The following GSKIP variants were observed in gnomAD, a reference collection of about 807,000 sequenced individuals.
GSKIP encodes the protein GSK3B-interacting protein.
Under a neutral mutation model 11.9 loss-of-function variants are expected in GSKIP, and 5 were observed. That is an observed-to-expected ratio of 0.42 (90% confidence interval 0.22 to 0.89). The LOEUF (loss-of-function observed/expected upper bound fraction) is 0.89. Ranked by LOEUF, GSKIP falls within the 40% of genes least tolerant of loss-of-function variation. The pLI, the probability that GSKIP is intolerant of heterozygous loss-of-function variation, is 0.29. For missense variants in GSKIP, 150 were observed against 166.6 expected (o/e 0.90, Z 0.55); for synonymous variants, 70 against 62.9 (o/e 1.11, Z -0.54).
intron 1 of GSKIP, among the ~76,000 whole-genome samples, chr14:96,375,420 T>G (rs978637892): frequency 6.8e-6 from 1 of 146,006 alleles, no homozygotes; most frequent in Admixed American, 7.1e-5. Context: ...GAAAAGAAAT[T>G]TATTTCTTTT....
intron 1 of GSKIP, among the ~76,000 whole-genome samples, chr14:96,370,641 TCTAC>T (rs1889020759): frequency 6.6e-6 from 1 of 152,136 alleles, no homozygotes; most frequent in African/African-American, 2.4e-5. Flanking sequence ...CTGCTTTCTA[TCTAC>T]CTACCTACCT....
At position 96,382,429 on chromosome 14, in the gene GSKIP, A is replaced by T; in HGVS notation, c.182A>T (p.Asp61Val). ...MFVSKSLRCADDVAYINVETK... is the reference protein window; with the variant it reads ...MFVSKSLRCAVDVAYINVETK... ...GTCTCGAAAAGCCTGCGGTGTGCGG[A>T]TGATGTGGCCTATATCAATGTGGAA... Residue 61 changes from aspartate (D) to valine (V), a missense_variant, in exon 3 of 4, where the codon GAT becomes GTT. Coordinates refer to ENST00000555181, the MANE Select transcript of GSKIP (RefSeq NM_016472.5). 1 of 1,613,362 alleles carries T rather than the reference A, an allele frequency of 6.2e-7. No individual in the cohort carries two copies. The highest frequency in any genetic ancestry group is 8.5e-7 in the Non-Finnish European group (1 of 1,179,336).
chr14:96,377,945 A>G (rs961064394), intron 1 of GSKIP, among the ~76,000 whole-genome samples: 2 of 152,232 alleles, frequency 1.3e-5, no homozygotes, highest in African/African-American at 2.4e-5. Context: ...CATGAAACCT[A>G]TGATTCAGAA....
In GSKIP at chr14:96,375,333, A is replaced by G. The variant is rs532686149; in HGVS notation, c.-102-4355A>G. 5.3e-5 allele frequency among the ~76,000 whole-genome samples: 8 copies of G among 152,306 alleles called. 1 individual carries two copies. The highest frequency in any genetic ancestry group is 1.9e-4 in the African/African-American group (8 of 41,576). On this transcript the variant is annotated intron_variant, in intron 1 of 3. Coordinates refer to ENST00000555181, the MANE Select transcript of GSKIP (RefSeq NM_016472.5). ...ACTATATCAATAATTACAGTAATCA[A>G]ATGTAAGTGGTCTGAACACCCTTAG...
At chr14:96,373,918 A>G (rs1395616743) in intron 1 of GSKIP, among the ~76,000 whole-genome samples, 1 of 152,264 alleles carries the variant, frequency 6.6e-6, no homozygotes, top group African/African-American at 2.4e-5. Context: ...TTAAAATAAT[A>G]TAAAAACATT....
chr14:96,382,542 A>G, intron 3 of GSKIP, 37 bp downstream of exon 3: 14 of 1,528,538 alleles, frequency 9.2e-6, no homozygotes, highest in Non-Finnish European at 1.3e-5. Flanking sequence ...AAAATTATTT[A>G]TGTCTTTACC....
At chr14:96,377,561 T>C (rs906410807) in intron 1 of GSKIP, among the ~76,000 whole-genome samples, 1 of 152,230 alleles carries the variant, frequency 6.6e-6, no homozygotes, top group African/African-American at 2.4e-5. Flanking sequence ...GTCTTAAATA[T>C]TTTAATTGTG....
intron 1 of GSKIP, among the ~76,000 whole-genome samples, chr14:96,368,036 T>G (rs1364662900): frequency 1.3e-5 from 2 of 152,194 alleles, no homozygotes; most frequent in Non-Finnish European, 2.9e-5. Flanking sequence ...AAGTAATACT[T>G]ATTTCCTAGA....
At chr14:96,381,843 ATTAAAAG>A (rs1474149742) in intron 2 of GSKIP, among the ~76,000 whole-genome samples, 1 of 152,220 alleles carries the variant, frequency 6.6e-6, no homozygotes, top group Non-Finnish European at 1.5e-5. Flanking sequence ...GACAGTATCT[ATTAAAAG>A]TTAAAATAAG....
At chr14:96,370,568 G>T (rs1225506243) in intron 1 of GSKIP, among the ~76,000 whole-genome samples, 3 of 152,076 alleles carry the variant, frequency 2.0e-5, no homozygotes, top group African/African-American at 4.8e-5. Flanking sequence ...TTTCTCCCAG[G>T]AATGAGTGAG....
At chr14:96,384,472 A>C (rs1200222870) in intron 3 of GSKIP, among the ~76,000 whole-genome samples, 1 of 152,168 alleles carries the variant, frequency 6.6e-6, no homozygotes. Flanking sequence ...ATAAAAATTT[A>C]GGATTTATAT....
At chr14:96,365,278 T>G (rs1343289430) in intron 1 of GSKIP, 2 of 151,756 alleles carry the variant, frequency 1.3e-5, no homozygotes, top group Non-Finnish European at 1.5e-5. Flanking sequence ...TAAGAGAAAT[T>G]CTCTTGTTTA....
chr14:96,374,203 TAACA>T (rs1257625249), intron 1 of GSKIP, among the ~76,000 whole-genome samples: 1 of 151,994 alleles, frequency 6.6e-6, no homozygotes, highest in Admixed American at 6.6e-5. Context: ...AAGAAAAGAC[TAACA>T]AACTTGAAGA....
chr14:96,373,750 G>C (rs1889119571), intron 1 of GSKIP, among the ~76,000 whole-genome samples: 3 of 152,174 alleles, frequency 2.0e-5, no homozygotes, highest in African/African-American at 4.8e-5. Flanking sequence ...TAATGGGACA[G>C]AATTAACTAG....
intron 1 of GSKIP, among the ~76,000 whole-genome samples, chr14:96,368,280 A>C (rs1888952892): frequency 6.6e-6 from 1 of 151,740 alleles, no homozygotes; most frequent in South Asian, 2.1e-4. Context: ...CCCAGGTTCA[A>C]CCGATCCTCC....
chr14:96,370,013 C>T (rs1345592664), intron 1 of GSKIP, among the ~76,000 whole-genome samples: 4 of 152,164 alleles, frequency 2.6e-5, no homozygotes, highest in Non-Finnish European at 5.9e-5. Flanking sequence ...CTTGGGAGCC[C>T]ACCCCTCATA....
intron 1 of GSKIP, among the ~76,000 whole-genome samples, chr14:96,371,852 T>C (rs1889058199): frequency 6.6e-6 from 1 of 152,150 alleles, no homozygotes; most frequent in African/African-American, 2.4e-5. Context: ...CTTGTATCCT[T>C]TTACCAGCTC....
intron 1 of GSKIP, among the ~76,000 whole-genome samples, chr14:96,368,289 C>G (rs1367154582): frequency 6.6e-6 from 1 of 151,716 alleles, no homozygotes; most frequent in Admixed American, 6.6e-5. Flanking sequence ...AACCGATCCT[C>G]CTACCTCAGC....
At chr14:96,373,074 A>G (rs986708787) in intron 1 of GSKIP, among the ~76,000 whole-genome samples, 3 of 152,086 alleles carry the variant, frequency 2.0e-5, no homozygotes, top group Non-Finnish European at 2.9e-5. Context: ...TACTAAAAAT[A>G]CAAAGATTAG....
Sources: allele counts gnomAD v4.1 joint callset (sites outside exome capture counted in the v4.1 genomes callset), GRCh38; gene constraint gnomAD v4.1.1; transcripts MANE v1.5; gene names NCBI Gene and HGNC (gene_info 2026-07-23, HGNC 2026-07-21).